Variants in KIAA1328 observed in about 807,000 individuals in gnomAD.
The protein encoded by KIAA1328 is protein hinderin.
A neutral mutation model predicts 68.1 loss-of-function variants in KIAA1328; 52 were observed. That is an observed-to-expected ratio of 0.76 (90% CI 0.61 to 0.96). KIAA1328 has a LOEUF of 0.96. KIAA1328 is among the 40% of genes least tolerant of loss of function. The pLI, the probability that KIAA1328 is intolerant of heterozygous loss-of-function variation, is 0.00. For synonymous variants in KIAA1328, 232 were observed against 239.4 expected, an observed-to-expected ratio of 0.97 and a Z score of 0.28; for missense variants, 641 against 677.6, an observed-to-expected ratio of 0.95 and a Z score of 0.60.
At chr18:36,918,967 A>G (rs925348406) in intron 5 of KIAA1328, among the ~76,000 whole-genome samples, 2 of 152,134 alleles carry the variant, frequency 1.3e-5, no homozygotes, top group African/African-American at 2.4e-5. Context: ...AACTTGTGTT[A>G]TGGCCCAGTA....
intron 5 of KIAA1328, among the ~76,000 whole-genome samples, chr18:36,948,855 T>A (rs78802798): frequency 0.012 from 1,886 of 152,338 alleles, 36 homozygotes; most frequent in African/African-American, 0.043. Flanking sequence ...TGACTTTTTT[T>A]AAAGAGCTTT....
intron 5 of KIAA1328, among the ~76,000 whole-genome samples, chr18:36,906,321 A>G (rs1018621488): frequency 1.3e-5 from 2 of 152,120 alleles, no homozygotes; most frequent in Admixed American, 6.6e-5. Flanking sequence ...CCACCTTACA[A>G]TATATTCTAT....
chr18:37,037,919 G>C (rs2055091687), intron 6 of KIAA1328, among the ~76,000 whole-genome samples: 1 of 152,072 alleles, frequency 6.6e-6, no homozygotes, highest in Non-Finnish European at 1.5e-5. Flanking sequence ...GGCTAGCACG[G>C]TGAAGCCTGG....
chr18:37,003,832 G>T (rs999490275), intron 6 of KIAA1328, among the ~76,000 whole-genome samples: 6 of 151,986 alleles, frequency 3.9e-5, no homozygotes, highest in African/African-American at 1.4e-4. Flanking sequence ...AGCACCATTA[G>T]TTGGATACGG....
intron 5 of KIAA1328, among the ~76,000 whole-genome samples, chr18:36,894,857 T>A (rs952541025): frequency 3.3e-5 from 5 of 152,136 alleles, no homozygotes; most frequent in African/African-American, 7.2e-5. Context: ...CACTTGGCTT[T>A]TTCATACCAT....
chr18:37,193,783 C>T (rs1200353353), intron 9 of KIAA1328: 2 of 616,794 alleles, frequency 3.2e-6, no homozygotes, highest in Admixed American at 5.4e-5. Context: ...TTTAAAAGAA[C>T]AAATTCATAG....
chr18:37,182,124 T>A (rs2059710583), intron 9 of KIAA1328, among the ~76,000 whole-genome samples: 1 of 152,206 alleles, frequency 6.6e-6, no homozygotes, highest in Non-Finnish European at 1.5e-5. Context: ...CAGTTCCTGC[T>A]GTCATTTCAC....
chr18:37,228,389 G>A (rs1175805369), downstream of KIAA1328, among the ~76,000 whole-genome samples: 1 of 152,186 alleles, frequency 6.6e-6, no homozygotes, highest in Non-Finnish European at 1.5e-5. Context: ...ATTTTCATGA[G>A]AGGAAGGGTC....
At chr18:36,969,817 C>T (rs1257660252) in intron 6 of KIAA1328, among the ~76,000 whole-genome samples, 1 of 152,020 alleles carries the variant, frequency 6.6e-6, no homozygotes, top group African/African-American at 2.4e-5. Context: ...CAAAACCTGG[C>T]AGAGACATAA....
intron 1 of KIAA1328, 100 bp from the exon 2 acceptor site, chr18:36,834,220 G>A: frequency 4.7e-6 from 6 of 1,271,832 alleles, no homozygotes; most frequent in Non-Finnish European, 6.0e-6. Context: ...CAAATTCCCA[G>A]GTCAAAAGAA....
At chr18:37,115,812 A>G (rs1202384426) in intron 7 of KIAA1328, among the ~76,000 whole-genome samples, 1 of 152,248 alleles carries the variant, frequency 6.6e-6, no homozygotes, top group East Asian at 1.9e-4. Flanking sequence ...CAATTTCAGC[A>G]AAGTCTCAGT....
rs1173405438 is a variant in KIAA1328, at chr18:36,953,299, TTA to T, written c.449-6004_449-6003del. 5.4e-5 allele frequency among the ~76,000 whole-genome samples: 8 copies of T among 147,276 alleles called. No homozygotes were observed. In the Admixed American group the frequency reaches 5.5e-4, roughly 10 times the overall value. Reference sequence around the variant, plus strand: ...ATATAAATAAATATATTTATATTTATTATATACAAATATTTATATTATATAAA... The same window carrying T: ...ATATAAATAAATATATTTATATTTATTATACAAATATTTATATTATATAAA... On this transcript the variant is annotated intron_variant, in intron 5 of 9. Transcript: ENST00000280020.
intron 9 of KIAA1328, among the ~76,000 whole-genome samples, chr18:37,185,990 C>T (rs913428222): frequency 1.3e-5 from 2 of 150,734 alleles, no homozygotes; most frequent in East Asian, 3.9e-4. Flanking sequence ...CTATTAGGCA[C>T]AATTCTGAAC....
intron 6 of KIAA1328, among the ~76,000 whole-genome samples, chr18:37,037,547 A>G (rs1303867859): frequency 1.3e-5 from 2 of 152,174 alleles, no homozygotes; most frequent in Non-Finnish European, 2.9e-5. Flanking sequence ...AACACACTTT[A>G]TAGATGGTCA....
At chr18:37,203,590 A>G (rs2154219591) in intron 9 of KIAA1328, among the ~76,000 whole-genome samples, 1 of 152,342 alleles carries the variant, frequency 6.6e-6, no homozygotes, top group East Asian at 1.9e-4. Context: ...CCTAGGAAGT[A>G]TGCAATTTTA....
At chr18:37,200,843 G>A (rs1019069508) in intron 9 of KIAA1328, among the ~76,000 whole-genome samples, 1 of 149,856 alleles carries the variant, frequency 6.7e-6, no homozygotes, top group Non-Finnish European at 1.5e-5. Flanking sequence ...AAAAGGAGCT[G>A]TCATTTCTCA....
At chr18:36,833,996 G>A (rs1473681342) in intron 1 of KIAA1328, among the ~76,000 whole-genome samples, 1 of 152,168 alleles carries the variant, frequency 6.6e-6, no homozygotes, top group East Asian at 1.9e-4. Context: ...CCTAATAGTA[G>A]AGTATATATT....
intron 6 of KIAA1328, among the ~76,000 whole-genome samples, chr18:36,962,971 A>T (rs560859399): frequency 2.0e-5 from 3 of 152,222 alleles, no homozygotes; most frequent in African/African-American, 2.4e-5. Flanking sequence ...CTAAGATCAG[A>T]GTAGAACTGA....
intron 8 of KIAA1328, among the ~76,000 whole-genome samples, chr18:37,165,586 A>ATTT (rs767099970): frequency 1.6e-5 from 2 of 125,994 alleles, no homozygotes; most frequent in Non-Finnish European, 3.4e-5. Flanking sequence ...CACCCGGCTA[A>ATTT]TTTTTTTTTT....
Sources: allele counts gnomAD v4.1 joint callset (sites outside exome capture counted in the v4.1 genomes callset), GRCh38; gene constraint gnomAD v4.1.1; transcripts MANE v1.5; gene names NCBI Gene and HGNC (gene_info 2026-07-23, HGNC 2026-07-21).